The following OSBPL9 variants were observed in gnomAD, a reference collection of about 807,000 sequenced individuals.
OSBPL9 encodes oxysterol binding protein like 9, also known as oxysterol-binding protein-related protein 9.
Under a neutral mutation model 106.6 loss-of-function variants are expected in OSBPL9, and 40 were observed. The ratio of observed to expected loss-of-function variants is 0.38; its 90% confidence interval spans 0.29 to 0.49. OSBPL9 has a LOEUF of 0.49. OSBPL9 is among the 20% of genes least tolerant of loss of function. The pLI, the probability that OSBPL9 is intolerant of heterozygous loss-of-function variation, is 0.97. For synonymous variants in OSBPL9, 269 were observed against 295.4 expected (o/e 0.91, Z 0.92); for missense variants, 609 against 887.2 (o/e 0.69, Z 3.98).
At chr1:51,762,240 G>A (rs935818370) in intron 11 of OSBPL9, among the ~76,000 whole-genome samples, 1 of 152,094 alleles carries the variant, frequency 6.6e-6, no homozygotes, top group African/African-American at 2.4e-5. Flanking sequence ...CTGGAGTGCA[G>A]TGGTACGATC....
At chr1:51,585,761 G>A (rs903736165) in intron 1 of OSBPL9, among the ~76,000 whole-genome samples, 8 of 151,724 alleles carry the variant, frequency 5.3e-5, no homozygotes, top group African/African-American at 1.5e-4. Flanking sequence ...AGGCAACAGA[G>A]CGAGACTCCA....
At chr1:51,540,304 A>G in the OSBPL9 span, among the ~76,000 whole-genome samples, 1 of 152,088 alleles carries the variant, frequency 6.6e-6, no homozygotes, top group African/African-American at 2.4e-5. Context: ...CAAGATCATT[A>G]GTGACCCTCC....
chr1:51,749,764 G>C (rs971485523), intron 7 of OSBPL9, among the ~76,000 whole-genome samples: 1 of 150,164 alleles, frequency 6.7e-6, no homozygotes, highest in African/African-American at 2.5e-5. Context: ...CTACTCGGGA[G>C]GCTGAGACGG....
chr1:51,684,443 G>A (rs1653287516), intron 3 of OSBPL9, among the ~76,000 whole-genome samples: 1 of 152,136 alleles, frequency 6.6e-6, no homozygotes, highest in Admixed American at 6.5e-5. Context: ...GCTTGATGGA[G>A]CCATTCCACA....
chr1:51,521,938 G>C, the OSBPL9 span, among the ~76,000 whole-genome samples: 1 of 151,466 alleles, frequency 6.6e-6, no homozygotes, highest in Non-Finnish European at 1.5e-5. Flanking sequence ...TTTTTTTCTA[G>C]TAGAGACAGG....
At chr1:51,564,302 A>G in the OSBPL9 span, among the ~76,000 whole-genome samples, 2 of 151,956 alleles carry the variant, frequency 1.3e-5, no homozygotes, top group Admixed American at 6.6e-5. Context: ...CTTTAAGCTT[A>G]AGTAAGATGG....
chr1:51,593,605 A>C (rs930384728), intron 1 of OSBPL9, among the ~76,000 whole-genome samples: 1 of 151,974 alleles, frequency 6.6e-6, no homozygotes, highest in Non-Finnish European at 1.5e-5. Context: ...CCTTCGAAAC[A>C]TTGCTTAAGT....
intron 1 of OSBPL9, among the ~76,000 whole-genome samples, chr1:51,640,574 C>T (rs370398574): frequency 2.0e-5 from 3 of 152,030 alleles, no homozygotes; most frequent in South Asian, 2.1e-4. Flanking sequence ...TTTACAGAAC[C>T]GGGGAAAAGG....
chr1:51,737,880 A>G (rs1666050851), intron 4 of OSBPL9, among the ~76,000 whole-genome samples: 1 of 152,036 alleles, frequency 6.6e-6, no homozygotes, highest in Admixed American at 6.6e-5. Context: ...GCTATATCCT[A>G]TATAGAGAGG....
At position 51,635,788 on chromosome 1, in the gene OSBPL9, A is replaced by G. The variant is rs116990898; in HGVS notation, c.112-16203A>G. Among the ~76,000 whole-genome samples, 134 of 152,128 alleles carry G rather than the reference A, an allele frequency of 8.8e-4. 2 individuals carry two copies. In the East Asian group the frequency reaches 0.024, roughly 27 times the overall value. Reference sequence around the variant, plus strand: ...ACAGTGAAAAACCTGAGACTCGACAATGTTATAGGCCACTAGATCAAAGTC... The same window carrying G: ...ACAGTGAAAAACCTGAGACTCGACAGTGTTATAGGCCACTAGATCAAAGTC... On this transcript the variant is annotated intron_variant, in intron 1 of 23. Transcript: ENST00000428468.
chr1:51,723,647 A>G (rs1662560339), intron 4 of OSBPL9, among the ~76,000 whole-genome samples: 1 of 151,992 alleles, frequency 6.6e-6, no homozygotes, highest in Non-Finnish European at 1.5e-5. Flanking sequence ...CCTGGGCTCA[A>G]GTGATCCTCC....
chr1:51,784,331 A>C lies in OSBPL9; in HGVS notation c.1688+4A>C. On this transcript the variant is annotated splice_donor_region_variant and intron_variant, in intron 19 of 23. Coordinates refer to ENST00000428468, the MANE Select transcript of OSBPL9 (RefSeq NM_024586.6). Reference sequence around the variant, plus strand: ...CATTCCCCAATGGCTATGGAAGGCAAGTGTGTCCATTTCCTCTGATCAGCA... The same window carrying C: ...CATTCCCCAATGGCTATGGAAGGCACGTGTGTCCATTTCCTCTGATCAGCA... 6.2e-7 allele frequency: 1 copy of C among 1,613,138 alleles called. No individual in the cohort carries two copies. Among genetic ancestry groups the C allele is most frequent in the Non-Finnish European group, 8.5e-7 (1 of 1,179,078 alleles).
chr1:51,696,530 T>C (rs1207663489), intron 3 of OSBPL9, among the ~76,000 whole-genome samples: 1 of 152,198 alleles, frequency 6.6e-6, no homozygotes. Context: ...TCGTTGCCTC[T>C]TTCTGCACGT....
chr1:51,633,032 C>T (rs1645203738), intron 1 of OSBPL9, among the ~76,000 whole-genome samples: 1 of 152,016 alleles, frequency 6.6e-6, no homozygotes, highest in South Asian at 2.1e-4. Flanking sequence ...TCTTGGCTCA[C>T]TGCAACCTCC....
chr1:51,595,509 GC>G (rs1324573435), intron 1 of OSBPL9, among the ~76,000 whole-genome samples: 1 of 152,174 alleles, frequency 6.6e-6, no homozygotes, highest in Non-Finnish European at 1.5e-5. Context: ...CTCAGGGAAG[GC>G]TTCCTGAAGA....
chr1:51,763,349 T>C lies in OSBPL9; in HGVS notation c.778+1378T>C, dbSNP rs12070311. On this transcript the variant is annotated intron_variant, in intron 11 of 23. Transcript: ENST00000428468. The stretch of plus-strand genomic sequence containing the variant: ...TTAGGCTTAGGGTCTTTATTTTTTC[T>C]CTGTTTTACAGGGATACTATCAGTG... Among the ~76,000 whole-genome samples, 467 of 152,296 alleles carry C rather than the reference T, an allele frequency of 3.1e-3. 2 individuals carry two copies. The highest frequency in any genetic ancestry group is 0.011 in the African/African-American group (446 of 41,568).
At chr1:51,787,327 C>G in intron 22 of OSBPL9, 26 bp from the exon 23 acceptor site, 2 of 1,604,326 alleles carry the variant, frequency 1.2e-6, no homozygotes, top group Non-Finnish European at 1.7e-6. Flanking sequence ...TCAACATTGG[C>G]AGCTCCTCTT....
At chr1:51,592,522 A>G (rs1035974391) in intron 1 of OSBPL9, among the ~76,000 whole-genome samples, 2 of 152,192 alleles carry the variant, frequency 1.3e-5, no homozygotes, top group African/African-American at 2.4e-5. Context: ...CAGCCATCCA[A>G]TAATTGTTTA....
chr1:51,554,573 A>G, the OSBPL9 span, among the ~76,000 whole-genome samples: 7 of 152,210 alleles, frequency 4.6e-5, no homozygotes, highest in Non-Finnish European at 1.0e-4. Flanking sequence ...TAGCGTTTGG[A>G]AAGTGCTGAC....
Sources: allele counts gnomAD v4.1 joint callset (sites outside exome capture counted in the v4.1 genomes callset), GRCh38; gene constraint gnomAD v4.1.1; transcripts MANE v1.5; gene names NCBI Gene and HGNC (gene_info 2026-07-23, HGNC 2026-07-21).